The following MTUS2 variants were observed in gnomAD, a reference collection of about 807,000 sequenced individuals.
MTUS2 encodes microtubule associated scaffold protein 2, also known as microtubule-associated tumor suppressor candidate 2.
MTUS2 carries 40 observed loss-of-function variants against 114.1 expected under a neutral mutation model. The observed-to-expected ratio is 0.35, with a 90% CI of 0.27 to 0.46. The LOEUF is 0.46. Ranked by LOEUF, MTUS2 falls within the 20% of genes least tolerant of loss-of-function variation. The pLI, the probability that MTUS2 is intolerant of heterozygous loss-of-function variation, is 1.00. For missense variants in MTUS2, 1,679 were observed against 1,705.4 expected (o/e 0.98, Z 0.27); for synonymous variants, 688 against 672.0 (o/e 1.02, Z -0.37).
At chr13:28,952,699 C>T (rs983640240) in intron 2 of MTUS2, among the ~76,000 whole-genome samples, 5 of 152,176 alleles carry the variant, frequency 3.3e-5, no homozygotes, top group Admixed American at 1.3e-4. Context: ...GTATATTAAA[C>T]ACACTTTTCT....
At chr13:28,859,589 A>G (rs959895144) in intron 2 of MTUS2, among the ~76,000 whole-genome samples, 3 of 152,222 alleles carry the variant, frequency 2.0e-5, no homozygotes, top group African/African-American at 7.2e-5. Context: ...TGCAGAACTC[A>G]GTGTCGTGTA....
At chr13:28,993,888 T>A (rs1443836152) in intron 2 of MTUS2, among the ~76,000 whole-genome samples, 1 of 152,062 alleles carries the variant, frequency 6.6e-6, no homozygotes, top group South Asian at 2.1e-4. Flanking sequence ...TTTATTTTAA[T>A]GTTTATTTTT....
intron 9 of MTUS2, 129 bp downstream of exon 9, chr13:29,440,178 A>G: frequency 1.2e-6 from 1 of 866,588 alleles, no homozygotes; most frequent in East Asian, 2.7e-5. Flanking sequence ...GAAGTATCTC[A>G]CCCAGCACAG....
chr13:29,285,589 A>G (rs1898446803), intron 6 of MTUS2, among the ~76,000 whole-genome samples: 1 of 152,192 alleles, frequency 6.6e-6, no homozygotes, highest in South Asian at 2.1e-4. Flanking sequence ...AGTACAAAGG[A>G]ATGCAGAGAA....
intron 6 of MTUS2, among the ~76,000 whole-genome samples, chr13:29,283,306 G>C (rs1372201370): frequency 6.6e-6 from 1 of 152,162 alleles, no homozygotes; most frequent in Non-Finnish European, 1.5e-5. Context: ...CTCAGGGGAA[G>C]GTAAGCTTCT....
chr13:29,177,410 T>C (rs759451359), intron 5 of MTUS2, among the ~76,000 whole-genome samples: 3 of 150,908 alleles, frequency 2.0e-5, no homozygotes, highest in Non-Finnish European at 4.4e-5. Context: ...AAGAAAATTA[T>C]CATAGGCCCT....
At chr13:29,406,913 G>A (rs181302500) in intron 8 of MTUS2, among the ~76,000 whole-genome samples, 208 of 152,264 alleles carry the variant, frequency 1.4e-3, no homozygotes, top group Middle Eastern at 6.8e-3. Flanking sequence ...ATGTTTCACT[G>A]TATCAATATG....
chr13:29,284,521 A>G (rs906890391), intron 6 of MTUS2, among the ~76,000 whole-genome samples: 4 of 152,210 alleles, frequency 2.6e-5, no homozygotes, highest in African/African-American at 7.2e-5. Context: ...TTACATAGAC[A>G]TTTTACACAA....
chr13:28,918,552 A>G lies in MTUS2; in HGVS notation c.-243+78702A>G, dbSNP rs571270776. 3.4e-4 allele frequency among the ~76,000 whole-genome samples: 51 copies of G among 152,002 alleles called. No individual in the cohort carries two copies. The East Asian group carries it at 9.8e-3, about 29-fold the overall frequency. On this transcript the variant is annotated intron_variant, in intron 2 of 15. Coordinates refer to ENST00000612955, the MANE Select transcript of MTUS2 (RefSeq NM_001033602.4). ...TTTTATTTATTTTCACTCTGTGTGC[A>G]TCTTCATAGGTGAAGTGTGGTTTTT...
At chr13:29,414,929 A>G (rs959690436) in intron 8 of MTUS2, among the ~76,000 whole-genome samples, 1 of 149,484 alleles carries the variant, frequency 6.7e-6, no homozygotes, top group Non-Finnish European at 1.5e-5. Flanking sequence ...GTTTCATTCT[A>G]TAAATTTTCC....
intron 6 of MTUS2, among the ~76,000 whole-genome samples, chr13:29,312,346 T>C (rs1448623154): frequency 6.6e-6 from 1 of 152,160 alleles, no homozygotes; most frequent in East Asian, 1.9e-4. Context: ...CCAATAAATA[T>C]ATGATAAATG....
At chr13:29,138,948 C>T (rs1467537468) in intron 5 of MTUS2, among the ~76,000 whole-genome samples, 1 of 151,824 alleles carries the variant, frequency 6.6e-6, no homozygotes, top group African/African-American at 2.4e-5. Context: ...CATCTCCCAT[C>T]TGCTTTGGAA....
chr13:28,975,009 G>A (rs1467219769), intron 2 of MTUS2, among the ~76,000 whole-genome samples: 1 of 152,192 alleles, frequency 6.6e-6, no homozygotes, highest in African/African-American at 2.4e-5. Flanking sequence ...TGTAAGGATC[G>A]AGTGATAATC....
intron 7 of MTUS2, among the ~76,000 whole-genome samples, chr13:29,347,326 A>G (rs11843090): frequency 0.033 from 4,948 of 152,180 alleles, 248 homozygotes; most frequent in African/African-American, 0.11. Context: ...TGTTGTAGTT[A>G]CAGTCCACAA....
At chr13:29,250,851 G>A (rs552708828) in intron 5 of MTUS2, among the ~76,000 whole-genome samples, 5 of 152,132 alleles carry the variant, frequency 3.3e-5, no homozygotes, top group Admixed American at 6.5e-5. Context: ...ACACCAACCC[G>A]CAAAAAACAA....
chr13:29,230,516 A>G (rs955868158), intron 5 of MTUS2, among the ~76,000 whole-genome samples: 4 of 152,170 alleles, frequency 2.6e-5, no homozygotes, highest in Non-Finnish European at 1.5e-5. Context: ...CACAAATCCT[A>G]GCTGCTGTTA....
chr13:29,425,794 G>A (rs766394299), intron 8 of MTUS2, among the ~76,000 whole-genome samples: 4 of 152,166 alleles, frequency 2.6e-5, no homozygotes, highest in Admixed American at 1.3e-4. Flanking sequence ...ACTGGACTAC[G>A]GAAGTGCCGT....
Position 29,270,323 on chromosome 13 carries a change from C to G in MTUS2, c.2645-11381C>G, listed in dbSNP as rs534047507. Among the ~76,000 whole-genome samples, 3 of 152,254 alleles carry G rather than the reference C, an allele frequency of 2.0e-5. No individual in the cohort carries two copies. In the East Asian group the frequency reaches 5.8e-4, roughly 29 times the overall value. ...GGTGCCCCTGAGGTAAAGCACCCCCCTCAGGAGGAGTCTGGCCCCAAAGGG... is the reference window on the plus strand; with the variant it reads ...GGTGCCCCTGAGGTAAAGCACCCCCGTCAGGAGGAGTCTGGCCCCAAAGGG... On this transcript the variant is annotated intron_variant, in intron 5 of 15. Transcript: ENST00000612955.
chr13:29,254,693 A>C (rs1426120259), intron 5 of MTUS2, among the ~76,000 whole-genome samples: 1 of 152,220 alleles, frequency 6.6e-6, no homozygotes, highest in East Asian at 1.9e-4. Context: ...ATAAACCTCC[A>C]ATTCATTTAG....
Sources: gnomAD v4.1 joint callset for allele counts (sites outside exome capture counted in the v4.1 genomes callset) on GRCh38, gnomAD v4.1.1 for gene constraint, MANE v1.5 for transcripts, NCBI Gene and HGNC (gene_info 2026-07-23, HGNC 2026-07-21) for gene names.